The following TMEFF2 variants were observed in gnomAD, a reference collection of about 807,000 sequenced individuals.
TMEFF2 encodes transmembrane protein with EGF like and two follistatin like domains 2.
A neutral mutation model predicts 53.8 loss-of-function variants in TMEFF2; 28 were observed. The observed-to-expected ratio is 0.52, with a 90% CI of 0.39 to 0.71. TMEFF2 has a LOEUF of 0.71. TMEFF2 is among the 30% of genes least tolerant of loss of function. The pLI is 0.00. For synonymous variants in TMEFF2, 162 were observed against 166.3 expected (o/e 0.97, Z 0.20); for missense variants, 353 against 455.2 (o/e 0.78, Z 2.04).
At chr2:192,028,843 T>C (rs138515096) in intron 5 of TMEFF2, 3 of 152,250 alleles carry the variant, frequency 2.0e-5, no homozygotes, top group Non-Finnish European at 2.9e-5. Flanking sequence ...CATAGTACAA[T>C]ATAAAAATGA....
chr2:192,077,581 T>C (rs773454466), intron 4 of TMEFF2, among the ~76,000 whole-genome samples: 1 of 152,116 alleles, frequency 6.6e-6, no homozygotes, highest in African/African-American at 2.4e-5. Context: ...GATGGCTTAT[T>C]AACCTTCCAA....
intron 4 of TMEFF2, among the ~76,000 whole-genome samples, chr2:192,160,695 A>G (rs1207832949): frequency 1.3e-5 from 2 of 152,168 alleles, no homozygotes; most frequent in African/African-American, 4.8e-5. Context: ...TTAACATTAC[A>G]AAGGCACCAT....
chr2:192,117,879 A>G (rs1351533954), intron 4 of TMEFF2, among the ~76,000 whole-genome samples: 1 of 151,770 alleles, frequency 6.6e-6, no homozygotes, highest in Non-Finnish European at 1.5e-5. Context: ...AAACCCCAGA[A>G]AATTCTATAA....
At chr2:192,153,947 T>G (rs1158839477) in intron 4 of TMEFF2, among the ~76,000 whole-genome samples, 2 of 151,876 alleles carry the variant, frequency 1.3e-5, no homozygotes, top group Non-Finnish European at 2.9e-5. Flanking sequence ...CTAGCTTAAA[T>G]TCTTACATGG....
intron 5 of TMEFF2, among the ~76,000 whole-genome samples, chr2:192,004,789 T>A (rs1686459055): frequency 1.3e-5 from 2 of 152,218 alleles, no homozygotes; most frequent in African/African-American, 2.4e-5. Context: ...ACAGAAACTA[T>A]CCCTTCACTG....
At chr2:192,107,498 C>T (rs1008561184) in intron 4 of TMEFF2, among the ~76,000 whole-genome samples, 19 of 151,472 alleles carry the variant, frequency 1.3e-4, no homozygotes, top group African/African-American at 3.6e-4. Flanking sequence ...AAATGCTATG[C>T]TAGATAAAAT....
In TMEFF2 at chr2:192,179,691, G is replaced by T; in HGVS notation, c.416C>A (p.Ala139Glu). ...VVSEGSCATD[A>E]GSGSGDGVHE... ...ACCTCCATCTCCAGATCCTGATCCT[G>T]CATCTGTGGGGGGAAAAGTTATATT... The change falls in exon 4 of 10, where the codon GCA becomes GAA. Residue 139 changes from alanine to glutamate, a missense_variant. By Grantham distance (107) the Ala-to-Glu change is moderately radical (BLOSUM62 -1). Around this residue, in one of 3 missense-constraint regions of TMEFF2, gnomAD observed 294 missense variants for 397.3 expected, o/e 0.74. Transcript: ENST00000272771. 6.6e-7 allele frequency: 1 copy of T among 1,519,592 alleles called. No individual in the cohort carries two copies. Among genetic ancestry groups the T allele is most frequent in the South Asian group, 1.4e-5 (1 of 71,312 alleles). 94.1% of individuals were successfully genotyped at this position (1,519,592 alleles called of 1,614,324 possible). A position where few individuals can be genotyped will look rare whatever the true frequency, so the allele number is the denominator to read the frequency against.
intron 7 of TMEFF2, among the ~76,000 whole-genome samples, chr2:191,991,331 A>G: frequency 6.6e-6 from 1 of 152,138 alleles, no homozygotes; most frequent in Admixed American, 6.6e-5. Context: ...AACACATATC[A>G]TACAGATAGA....
intron 4 of TMEFF2, among the ~76,000 whole-genome samples, chr2:192,172,359 C>A (rs1690937432): frequency 6.6e-6 from 1 of 151,848 alleles, no homozygotes. Flanking sequence ...ATGCCAGGGT[C>A]ACAAGTAAAG....
chr2:192,167,149 C>A (rs962715255), intron 4 of TMEFF2, among the ~76,000 whole-genome samples: 1 of 152,134 alleles, frequency 6.6e-6, no homozygotes, highest in South Asian at 2.1e-4. Flanking sequence ...TTCTCCTAGT[C>A]AGCAGAATGA....
chr2:192,091,385 C>T (rs1301775433), intron 4 of TMEFF2, among the ~76,000 whole-genome samples: 1 of 152,070 alleles, frequency 6.6e-6, no homozygotes, highest in Non-Finnish European at 1.5e-5. Flanking sequence ...TCCTCCCCTG[C>T]CCCTAACTCC....
intron 4 of TMEFF2, among the ~76,000 whole-genome samples, chr2:192,171,370 GTC>G (rs1690909216): frequency 6.6e-6 from 1 of 151,768 alleles, no homozygotes; most frequent in African/African-American, 2.4e-5. Context: ...AATTGCACAG[GTC>G]TCCCTGCTTT....
intron 4 of TMEFF2, among the ~76,000 whole-genome samples, chr2:192,169,811 A>G (rs998954173): frequency 1.3e-5 from 2 of 152,044 alleles, no homozygotes; most frequent in African/African-American, 4.8e-5. Flanking sequence ...GCCACATTCT[A>G]TTTCAAAGCA....
At chr2:192,024,094 A>G (rs1559088630) in intron 5 of TMEFF2, among the ~76,000 whole-genome samples, 1 of 152,124 alleles carries the variant, frequency 6.6e-6, no homozygotes, top group Admixed American at 6.6e-5. Flanking sequence ...CAATATTCCC[A>G]TATTTCTCTA....
At chr2:192,179,519 A>T in intron 4 of TMEFF2, 149 bp downstream of exon 4, 1 of 737,512 alleles carries the variant, frequency 1.4e-6, no homozygotes, top group Non-Finnish European at 2.1e-6. Context: ...ACATGTACTT[A>T]ATATGGTGAC....
intron 5 of TMEFF2, among the ~76,000 whole-genome samples, chr2:192,056,474 TATC>T (rs1687913217): frequency 1.3e-5 from 2 of 152,068 alleles, no homozygotes; most frequent in African/African-American, 4.8e-5. Flanking sequence ...TGCTTTTCAT[TATC>T]ATGACACAAA....
At chr2:192,071,825 T>C (rs1487373736) in intron 4 of TMEFF2, among the ~76,000 whole-genome samples, 2 of 151,876 alleles carry the variant, frequency 1.3e-5, no homozygotes, top group Non-Finnish European at 1.5e-5. Context: ...TTTTCAAATA[T>C]TTTATTCCTT....
intron 6 of TMEFF2, among the ~76,000 whole-genome samples, chr2:191,998,629 G>C (rs1686280885): frequency 6.6e-6 from 1 of 151,890 alleles, no homozygotes; most frequent in South Asian, 2.1e-4. Context: ...AAAGAAAATA[G>C]AACATTCTAG....
At chr2:192,037,091 G>A (rs939910417) in intron 5 of TMEFF2, 7 of 151,874 alleles carry the variant, frequency 4.6e-5, no homozygotes, top group Non-Finnish European at 1.5e-5. Context: ...CCTATCGTAT[G>A]TACTAAATAA....
Sources: gnomAD v4.1 joint callset for allele counts (sites outside exome capture counted in the v4.1 genomes callset) on GRCh38, gnomAD v4.1.1 for gene constraint, gnomAD v4.1.1 regional missense constraint, MANE v1.5 for transcripts, NCBI Gene and HGNC (gene_info 2026-07-23, HGNC 2026-07-21) for gene names.